The following CUX1 variants were observed in gnomAD, a reference collection of about 807,000 sequenced individuals.
CUX1 encodes the protein cut like homeobox 1, also known as protein CASP.
CUX1 carries 31 observed loss-of-function variants against 158.8 expected under a neutral mutation model. The ratio of observed to expected loss-of-function variants is 0.20; its 90% CI spans 0.15 to 0.26. The LOEUF (loss-of-function observed/expected upper bound fraction) is 0.26, where lower values mean the gene tolerates loss of function less well. CUX1 is among the 10% of genes least tolerant of loss of function. The pLI is 1.00. For missense variants in CUX1, 1,589 were observed against 2,014.6 expected, an observed-to-expected ratio of 0.79 and a Z score of 4.04; for synonymous variants, 879 against 862.1, an observed-to-expected ratio of 1.02 and a Z score of -0.34.
chr7:102,182,129 C>T lies in CUX1; in HGVS notation c.1017+3472C>T, dbSNP rs528762398. Among the ~76,000 whole-genome samples, 6 of 152,330 alleles carry T rather than the reference C, an allele frequency of 3.9e-5. No individual in the cohort carries two copies. The East Asian group carries it at 5.8e-4, about 15-fold the overall frequency. ...AGGTTGCTGTTTGGGAGAGGAGGCTCCAAGCTCCCAGCTCTGGGCTCAGCT... is the reference window on the plus strand; with the variant it reads ...AGGTTGCTGTTTGGGAGAGGAGGCTTCAAGCTCCCAGCTCTGGGCTCAGCT... On this transcript the variant is annotated intron_variant, in intron 11 of 23. Coordinates refer to ENST00000292535, the MANE Select transcript of CUX1 (RefSeq NM_181552.4).
chr7:102,208,957 G>A (rs1796232324), intron 20 of CUX1, among the ~76,000 whole-genome samples: 1 of 152,212 alleles, frequency 6.6e-6, no homozygotes, highest in Non-Finnish European at 1.5e-5. Flanking sequence ...GGTAGGCAGG[G>A]ACTTTGGACA....
chr7:101,933,774 G>T lies in CUX1; in HGVS notation c.141+17549G>T, dbSNP rs188266252. Among the ~76,000 whole-genome samples the T allele has an allele frequency of 3.3e-4, 50 of 152,160 alleles. 1 individual carries two copies. Among genetic ancestry groups the T allele is most frequent in the African/African-American group, 1.2e-3 (49 of 41,484 alleles). On this transcript the variant is annotated intron_variant, in intron 2 of 23. Transcript: ENST00000292535. ...AAATAGCAGTGTTCTTGGTTTGTTC[G>T]CATACTTGTGGCTTACCTTTGAGAC...
At chr7:101,995,008 G>A (rs1031116577) in intron 2 of CUX1, among the ~76,000 whole-genome samples, 8 of 152,018 alleles carry the variant, frequency 5.3e-5, no homozygotes, top group South Asian at 2.1e-4. Flanking sequence ...GAGACGGGGG[G>A]ATCATTTGAT....
At chr7:102,198,701 CTTTAG>C in intron 15 of CUX1, 96 bp from the exon 16 acceptor site, 1 of 1,057,758 alleles carries the variant, frequency 9.5e-7, no homozygotes, top group South Asian at 1.3e-5. Context: ...TGAGCCCTTT[CTTTAG>C]TGACAGGCGG....
At chr7:102,075,002 G>C (rs1270974015) in intron 4 of CUX1, among the ~76,000 whole-genome samples, 1 of 152,176 alleles carries the variant, frequency 6.6e-6, no homozygotes, top group African/African-American at 2.4e-5. Context: ...GGGATTACAG[G>C]CGTGCGCCAC....
At chr7:102,223,108 C>T (rs1554527612) in intron 20 of CUX1, among the ~76,000 whole-genome samples, 1 of 151,374 alleles carries the variant, frequency 6.6e-6, no homozygotes, top group East Asian at 2.0e-4. Context: ...CTGGCCAGGG[C>T]ACCATATTTT....
intron 11 of CUX1, among the ~76,000 whole-genome samples, chr7:102,187,764 C>T (rs1055617701): frequency 6.6e-6 from 1 of 151,970 alleles, no homozygotes; most frequent in Non-Finnish European, 1.5e-5. Context: ...CCACCTTGGC[C>T]TCCCAAAGTG....
At chr7:102,009,324 C>A (rs1817730017) in intron 2 of CUX1, among the ~76,000 whole-genome samples, 2 of 152,212 alleles carry the variant, frequency 1.3e-5, no homozygotes, top group Admixed American at 6.5e-5. Context: ...AGGATCCCTC[C>A]ACGGATGTGG....
chr7:101,991,575 A>G (rs1815136588), intron 2 of CUX1, among the ~76,000 whole-genome samples: 1 of 152,090 alleles, frequency 6.6e-6, no homozygotes, highest in Non-Finnish European at 1.5e-5. Context: ...CCTGGCCAAT[A>G]TGGCCAAACC....
In CUX1 at chr7:102,256,616, A is replaced by T. The variant is rs868944397; in HGVS notation, c.*7574A>T. On this transcript the variant is annotated 3_prime_UTR_variant, in exon 24 of 24. Transcript: ENST00000292535. ...TTTTTAAATGAGAGTGTTTATGAAC[A>T]AAAAAATTTACCAACGTGTGAGGGA... 8.1e-6 allele frequency: 8 copies of T among 985,262 alleles called. No individual in the cohort carries two copies. In the African/African-American group the frequency reaches 1.2e-4, roughly 15 times the overall value. The allele number at this position is 985,262 out of a possible 1,614,324, so 61.0% of individuals were successfully genotyped here.
chr7:101,969,259 TG>T (rs1185255887), intron 2 of CUX1, among the ~76,000 whole-genome samples: 1 of 149,690 alleles, frequency 6.7e-6, no homozygotes, highest in Non-Finnish European at 1.5e-5. Flanking sequence ...TGCTTGAGCC[TG>T]GGAGTTCCAG....
At chr7:102,072,863 A>T (rs1344822181) in intron 4 of CUX1, among the ~76,000 whole-genome samples, 1 of 152,320 alleles carries the variant, frequency 6.6e-6, no homozygotes, top group Non-Finnish European at 1.5e-5. Context: ...TGACGCAGGG[A>T]TAAAGAATTT....
At position 102,095,278 on chromosome 7, in the gene CUX1, T is replaced by C. The variant is rs189504138; in HGVS notation, c.269-2086T>C. 4.1e-3 allele frequency among the ~76,000 whole-genome samples: 618 copies of C among 152,264 alleles called. 2 individuals are homozygous for C. Among genetic ancestry groups the C allele is most frequent in the Non-Finnish European group, 5.6e-3 (378 of 68,022 alleles). On this transcript the variant is annotated intron_variant, in intron 4 of 23. Transcript: ENST00000292535. ...GGCCACCCTCGGCCTCCCAAAGTGCTGGGATTACAGGCATGAGCCACTGCA... is the reference window on the plus strand; with the variant it reads ...GGCCACCCTCGGCCTCCCAAAGTGCCGGGATTACAGGCATGAGCCACTGCA...
Position 102,251,241 on chromosome 7 carries a change from T to C in CUX1, c.*2199T>C, listed in dbSNP as rs577483304. The C allele has an allele frequency of 1.0e-6, 1 of 981,942 alleles. No homozygotes were observed. The highest frequency in any genetic ancestry group is 4.7e-5 in the South Asian group (1 of 21,226). 60.8% of individuals were successfully genotyped at this position (981,942 alleles called of 1,614,324 possible). On this transcript the variant is annotated 3_prime_UTR_variant, in exon 24 of 24. Transcript: ENST00000292535. ...AGTTTAATTAATATTACTTTTTTTT[T>C]TATTTGGGGGGTGGGAGGGAGTTAT... is the stretch of plus-strand genomic sequence containing the variant.
At chr7:101,977,766 G>C (rs1472068364) in intron 2 of CUX1, among the ~76,000 whole-genome samples, 1 of 151,996 alleles carries the variant, frequency 6.6e-6, no homozygotes, top group East Asian at 1.9e-4. Context: ...GTGAGACTCT[G>C]CTCAAAAAAT....
chr7:101,816,812 CA>C, upstream of CUX1: 1 of 372,970 alleles, frequency 2.7e-6, no homozygotes, highest in South Asian at 1.2e-4. Flanking sequence ...GGTGGCCGGG[CA>C]GGCGCCCGCG....
At chr7:101,863,987 T>C (rs1797712730) in intron 1 of CUX1, among the ~76,000 whole-genome samples, 1 of 152,192 alleles carries the variant, frequency 6.6e-6, no homozygotes, top group African/African-American at 2.4e-5. Context: ...TTGGCTGTGG[T>C]GACACTGTGT....
intron 23 of CUX1, among the ~76,000 whole-genome samples, chr7:102,239,803 T>G (rs1799992650): frequency 6.6e-6 from 1 of 151,890 alleles, no homozygotes; most frequent in Admixed American, 6.6e-5. Context: ...CTAGAGTGCA[T>G]TGGCGCAATC....
chr7:101,940,945 G>C (rs929227440), intron 2 of CUX1, among the ~76,000 whole-genome samples: 3 of 152,188 alleles, frequency 2.0e-5, no homozygotes. Context: ...ATCCATTAGC[G>C]AGGCCAGCCC....
Sources: gnomAD v4.1 joint callset for allele counts (sites outside exome capture counted in the v4.1 genomes callset) on GRCh38, gnomAD v4.1.1 for gene constraint, MANE v1.5 for transcripts, NCBI Gene and HGNC (gene_info 2026-07-23, HGNC 2026-07-21) for gene names.